Variants in KHDRBS2 observed in about 807,000 individuals in gnomAD.
The protein encoded by KHDRBS2 is KH domain-containing, RNA-binding, signal transduction-associated protein 2.
In KHDRBS2, 26 loss-of-function variants were observed where a neutral mutation model predicts 44.3. That is an observed-to-expected ratio of 0.59 (90% confidence interval 0.43 to 0.81). The LOEUF (loss-of-function observed/expected upper bound fraction) is 0.81, where lower values mean the gene tolerates loss of function less well. KHDRBS2 is among the 40% of genes least tolerant of loss of function. The pLI is 0.00. For missense variants in KHDRBS2, 476 were observed against 433.1 expected (o/e 1.10, Z -0.88); for synonymous variants, 194 against 151.1 (o/e 1.28, Z -2.08).
chr6:61,764,350 A>T (rs893331210), intron 6 of KHDRBS2, among the ~76,000 whole-genome samples: 3 of 152,160 alleles, frequency 2.0e-5, no homozygotes, highest in African/African-American at 4.8e-5. Context: ...TATACCCAGT[A>T]ATGGGATTGC....
intron 4 of KHDRBS2, among the ~76,000 whole-genome samples, chr6:61,974,853 C>T (rs988479379): frequency 2.0e-5 from 3 of 151,866 alleles, no homozygotes; most frequent in Admixed American, 2.0e-4. Context: ...ATCGCTTGAA[C>T]CCAGGAGGTG....
chr6:62,145,901 G>T (rs551590547), intron 2 of KHDRBS2, among the ~76,000 whole-genome samples: 45 of 151,868 alleles, frequency 3.0e-4, no homozygotes, highest in Non-Finnish European at 3.2e-4. Flanking sequence ...TATGTGTAAG[G>T]TATATATGAA....
intron 6 of KHDRBS2, among the ~76,000 whole-genome samples, chr6:61,742,461 A>G (rs749773539): frequency 6.6e-6 from 1 of 152,038 alleles, no homozygotes; most frequent in East Asian, 1.9e-4. Context: ...TCTCTTGACT[A>G]TGGGTTACTT....
At chr6:61,852,189 T>A (rs1417640723) in intron 6 of KHDRBS2, among the ~76,000 whole-genome samples, 5 of 151,794 alleles carry the variant, frequency 3.3e-5, no homozygotes, top group Non-Finnish European at 7.4e-5. Flanking sequence ...GCCACTGTAC[T>A]CCAGCCTGGG....
At chr6:61,747,444 C>G (rs1777034547) in intron 6 of KHDRBS2, among the ~76,000 whole-genome samples, 1 of 152,150 alleles carries the variant, frequency 6.6e-6, no homozygotes, top group Admixed American at 6.6e-5. Flanking sequence ...TACTTCAGTT[C>G]TGATCTTTAG....
chr6:62,005,770 T>G (rs528530736), intron 3 of KHDRBS2, among the ~76,000 whole-genome samples: 5 of 151,508 alleles, frequency 3.3e-5, no homozygotes, highest in Non-Finnish European at 7.4e-5. Flanking sequence ...CCTATAGTTA[T>G]GAAATAAAAA....
intron 3 of KHDRBS2, among the ~76,000 whole-genome samples, chr6:61,998,606 T>C (rs1262235509): frequency 6.6e-6 from 1 of 152,118 alleles, no homozygotes; most frequent in African/African-American, 2.4e-5. Context: ...AGATACGAGT[T>C]CCAGAAAACA....
In KHDRBS2 at chr6:62,135,704, C is replaced by T. The variant is rs188174708; in HGVS notation, c.219+41481G>A. ...ATATATGTACATATGTGCAAATATA[C>T]ACACACACACATACAATGGAACATT... On this transcript the variant is annotated intron_variant, in intron 2 of 8. Transcript: ENST00000281156. 1.5e-4 allele frequency among the ~76,000 whole-genome samples: 22 copies of T among 151,708 alleles called. No homozygotes were observed. In the East Asian group the frequency reaches 3.1e-3, roughly 21 times the overall value.
At chr6:62,244,596 A>AT (rs938905761) in intron 1 of KHDRBS2, among the ~76,000 whole-genome samples, 17 of 151,628 alleles carry the variant, frequency 1.1e-4, no homozygotes, top group African/African-American at 1.7e-4. Context: ...TATTTACACA[A>AT]TTTTTTTTTC....
chr6:62,086,112 TTG>T (rs1257939361), intron 2 of KHDRBS2, among the ~76,000 whole-genome samples: 2 of 152,164 alleles, frequency 1.3e-5, no homozygotes, highest in African/African-American at 4.8e-5. Context: ...TTATGTATAA[TTG>T]TGTCTGGCAA....
chr6:62,201,082 T>C (rs1826878496), intron 1 of KHDRBS2, among the ~76,000 whole-genome samples: 1 of 151,896 alleles, frequency 6.6e-6, no homozygotes, highest in Non-Finnish European at 1.5e-5. Context: ...CTGGGGCCTG[T>C]TTGGGGTGAG....
intron 7 of KHDRBS2, among the ~76,000 whole-genome samples, chr6:61,722,376 T>C (rs1194081592): frequency 2.0e-5 from 3 of 152,166 alleles, no homozygotes; most frequent in Non-Finnish European, 4.4e-5. Flanking sequence ...AAAATTGTTA[T>C]AGCTGCTGAA....
intron 6 of KHDRBS2, among the ~76,000 whole-genome samples, chr6:61,878,696 G>A (rs112323843): frequency 0.01 from 1,537 of 152,134 alleles, 12 homozygotes; most frequent in Middle Eastern, 0.017. Context: ...ACAGCACTTA[G>A]ACAAGCACCT....
intron 6 of KHDRBS2, among the ~76,000 whole-genome samples, chr6:61,885,297 A>C (rs1210089588): frequency 6.6e-6 from 1 of 152,082 alleles, no homozygotes; most frequent in Admixed American, 6.6e-5. Flanking sequence ...CTGTTTCACA[A>C]CTCATTGATG....
At chr6:62,270,073 C>T (rs1455407768) in intron 1 of KHDRBS2, among the ~76,000 whole-genome samples, 2 of 151,904 alleles carry the variant, frequency 1.3e-5, no homozygotes, top group Admixed American at 6.6e-5. Context: ...GAATTGGAGG[C>T]GATATAGTTT....
At chr6:62,062,090 T>C (rs2127328044) in intron 2 of KHDRBS2, among the ~76,000 whole-genome samples, 1 of 150,502 alleles carries the variant, frequency 6.6e-6, no homozygotes, top group African/African-American at 2.4e-5. Flanking sequence ...ATCCTAAATA[T>C]ATATGCACCC....
chr6:62,235,416 A>G (rs1273626158), intron 1 of KHDRBS2, among the ~76,000 whole-genome samples: 1 of 152,020 alleles, frequency 6.6e-6, no homozygotes, highest in East Asian at 1.9e-4. Context: ...AGCAAACTTG[A>G]AACTGAAAGT....
At position 62,202,329 on chromosome 6, in the gene KHDRBS2, T is replaced by C. The variant is rs537200238; in HGVS notation, c.92-25017A>G. 2.6e-5 allele frequency among the ~76,000 whole-genome samples: 4 copies of C among 152,218 alleles called. No individual in the cohort carries two copies. In the South Asian group the frequency reaches 6.2e-4, roughly 24 times the overall value. ...ATCATCTGTTGGTAACCTAAAAACA[T>C]AGAAACTGTGTAACATCCTTAATCT... On this transcript the variant is annotated intron_variant, in intron 1 of 8. Coordinates refer to ENST00000281156, the MANE Select transcript of KHDRBS2 (RefSeq NM_152688.4).
intron 3 of KHDRBS2, among the ~76,000 whole-genome samples, chr6:62,045,728 G>GA (rs1002744234): frequency 1.3e-5 from 2 of 151,752 alleles, no homozygotes; most frequent in African/African-American, 2.4e-5. Context: ...TTAATAATTA[G>GA]AAAAAACAAA....
Sources: gnomAD v4.1 joint callset for allele counts (sites outside exome capture counted in the v4.1 genomes callset) on GRCh38, gnomAD v4.1.1 for gene constraint, MANE v1.5 for transcripts, NCBI Gene and HGNC (gene_info 2026-07-23, HGNC 2026-07-21) for gene names.